The following GABRA4 variants were observed in gnomAD, a reference collection of about 807,000 sequenced individuals.
The protein encoded by GABRA4 is gamma-aminobutyric acid receptor subunit alpha-4.
A neutral mutation model predicts 49.7 loss-of-function variants in GABRA4; 12 were observed. The observed-to-expected ratio is 0.24, with a 90% confidence interval of 0.15 to 0.39. The LOEUF (loss-of-function observed/expected upper bound fraction) is 0.39. Ranked by LOEUF, GABRA4 falls within the 10% of genes least tolerant of loss-of-function variation. The pLI, the probability that GABRA4 is intolerant of heterozygous loss-of-function variation, is 1.00. For missense variants in GABRA4, 506 were observed against 686.0 expected (o/e 0.74, Z 2.93); for synonymous variants, 288 against 240.2 (o/e 1.20, Z -1.84).
intron 8 of GABRA4, among the ~76,000 whole-genome samples, chr4:46,951,585 G>A (rs934715009): frequency 6.6e-6 from 1 of 151,774 alleles, no homozygotes; most frequent in Non-Finnish European, 1.5e-5. Context: ...AATTCTCTTT[G>A]GAGATGTCAA....
intron 2 of GABRA4, among the ~76,000 whole-genome samples, chr4:46,988,279 C>T (rs1723612710): frequency 1.3e-5 from 2 of 152,044 alleles, no homozygotes; most frequent in Admixed American, 6.6e-5. Flanking sequence ...ATATTCATCT[C>T]TCTATAATGC....
rs563675725 is a variant in GABRA4, at chr4:46,928,117, T to C, written c.*108A>G. Reference sequence around the variant, plus strand: ...TGGCTTATATCTTTAAATGGAAAAATTACACAGAGTTTTTATTTTAGTAAA... The same window carrying C: ...TGGCTTATATCTTTAAATGGAAAAACTACACAGAGTTTTTATTTTAGTAAA... On this transcript the variant is annotated 3_prime_UTR_variant, in exon 9 of 9. Transcript: ENST00000264318. 2.2e-5 allele frequency: 22 copies of C among 984,146 alleles called. No homozygotes were observed. In the East Asian group the frequency reaches 3.0e-4, roughly 13 times the overall value. The allele number at this position is 984,146 out of a possible 1,614,324, so 61.0% of individuals were successfully genotyped here. A position where few individuals can be genotyped will look rare whatever the true frequency, so the allele number is the denominator to read the frequency against.
chr4:46,975,777 T>C (rs989664614), intron 5 of GABRA4, among the ~76,000 whole-genome samples: 1 of 151,932 alleles, frequency 6.6e-6, no homozygotes, highest in Non-Finnish European at 1.5e-5. Flanking sequence ...TTGGGTAAAA[T>C]TTGAATGATT....
chr4:46,928,494 G>A lies in GABRA4; in HGVS notation c.1396C>T (p.Arg466Ter). 1 of 1,613,626 alleles carries A rather than the reference G, an allele frequency of 6.2e-7. No individual in the cohort carries two copies. The highest frequency in any genetic ancestry group is 1.7e-4 in the Middle Eastern group (1 of 6,056). The change falls in exon 9 of 9, where the codon CGA (arginine) becomes TGA (stop). Residue 466 changes from arginine to a stop codon, truncating the protein, a stop_gained. Transcript: ENST00000264318. LOFTEE classifies it high-confidence loss of function. ...GAAGCAGATCCAACTGAAGCCTTTC[G>A]AGGCATATATCCAGTTCGGATAGAA... ...PTSIRTGYMP[R>*]KASVGSASTR...
intron 7 of GABRA4, among the ~76,000 whole-genome samples, chr4:46,967,926 A>C (rs999540398): frequency 6.6e-6 from 1 of 151,644 alleles, no homozygotes; most frequent in African/African-American, 2.4e-5. Flanking sequence ...ACTTGTGTTT[A>C]ATGTTTTACT....
chr4:46,977,315 AGGAAGG>A lies in GABRA4; in HGVS notation c.494+89_494+94del, dbSNP rs1159913268. ...GAGGAAGGGAGGGAGGAAGGGAGGG[AGGAAGG>A]GAGGGAGGAAGGAAGGAAGGAAGGA... On this transcript the variant is annotated intron_variant, in intron 4 of 8. Coordinates refer to ENST00000264318, the MANE Select transcript of GABRA4 (RefSeq NM_000809.4). 43 of 393,328 alleles carry A rather than the reference AGGAAGG, an allele frequency of 1.1e-4. 1 individual carries two copies. Among genetic ancestry groups the A allele is most frequent in the Non-Finnish European group, 2.0e-4 (43 of 214,764 alleles). The allele number at this position is 393,328 out of a possible 1,614,324, so 24.4% of individuals were successfully genotyped here. A position where few individuals can be genotyped will look rare whatever the true frequency, so the allele number is the denominator to read the frequency against.
rs1264610225 is a variant in GABRA4 at position 46,924,435 on chromosome 4, A to G, written c.*3790T>C. The G allele has an allele frequency of 6.6e-6, 1 of 152,012 alleles. No homozygotes were observed. The highest frequency in any genetic ancestry group is 6.6e-5 in the Admixed American group (1 of 15,226). The allele number at this position is 152,012 out of a possible 1,614,324, so 9.4% of individuals were successfully genotyped here. A position where few individuals can be genotyped will look rare whatever the true frequency, so the allele number is the denominator to read the frequency against. On this transcript the variant is annotated 3_prime_UTR_variant, in exon 9 of 9. Coordinates refer to ENST00000264318, the MANE Select transcript of GABRA4 (RefSeq NM_000809.4). ...ACATCCCATAATTTTTTGTCTATGC[A>G]TCTATCATCTCTTCCGGACTGTGAC...
intron 8 of GABRA4, among the ~76,000 whole-genome samples, chr4:46,963,498 T>G (rs1396089670): frequency 1.3e-5 from 2 of 151,848 alleles, no homozygotes; most frequent in Non-Finnish European, 2.9e-5. Flanking sequence ...TTCCTCATTT[T>G]TCTCTTACCA....
At chr4:46,950,716 AAAATAAAT>A (rs57199994) in intron 8 of GABRA4, among the ~76,000 whole-genome samples, 30 of 140,316 alleles carry the variant, frequency 2.1e-4, no homozygotes, top group South Asian at 9.7e-4. Context: ...ATTCTCTAAG[AAAATAAAT>A]AAATAAATAA....
rs749068615 is a variant in GABRA4, at chr4:46,925,091, A to T, written c.*3134T>A. ...CAGCTCATGGGTAAAATAAGCCACA[A>T]ATAAATTGTTTATGCTTTGTTTGAA... On this transcript the variant is annotated 3_prime_UTR_variant, in exon 9 of 9. Transcript: ENST00000264318. 6.6e-6 allele frequency: 1 copy of T among 151,974 alleles called. No homozygotes were observed. Among genetic ancestry groups the T allele is most frequent in the Non-Finnish European group, 1.5e-5 (1 of 67,900 alleles). The allele number at this position is 151,974 out of a possible 1,614,324, so 9.4% of individuals were successfully genotyped here.
At position 46,993,534 on chromosome 4, in the gene GABRA4, C is replaced by G; in HGVS notation, c.-110G>C. The G allele has an allele frequency of 8.8e-7, 1 of 1,137,630 alleles. No individual in the cohort carries two copies. The highest frequency in any genetic ancestry group is 1.3e-6 in the Non-Finnish European group (1 of 776,888). The allele number at this position is 1,137,630 out of a possible 1,614,324, so 70.5% of individuals were successfully genotyped here. A position where few individuals can be genotyped will look rare whatever the true frequency, so the allele number is the denominator to read the frequency against. Reference sequence around the variant, plus strand: ...GGCTCCCGCGGCGTGCGCACACTCGCGCTCACACTCGCCCGCGCTCAGCCA... The same window carrying G: ...GGCTCCCGCGGCGTGCGCACACTCGGGCTCACACTCGCCCGCGCTCAGCCA... On this transcript the variant is annotated 5_prime_UTR_variant, in exon 1 of 9. Coordinates refer to ENST00000264318, the MANE Select transcript of GABRA4 (RefSeq NM_000809.4).
intron 8 of GABRA4, among the ~76,000 whole-genome samples, chr4:46,954,644 G>A (rs750819900): frequency 6.6e-6 from 1 of 151,680 alleles, no homozygotes; most frequent in African/African-American, 2.4e-5. Context: ...TTTTTAATTA[G>A]ATGTGAATTT....
At chr4:46,936,213 T>C (rs1721597740) in intron 8 of GABRA4, among the ~76,000 whole-genome samples, 2 of 152,162 alleles carry the variant, frequency 1.3e-5, no homozygotes, top group African/African-American at 4.8e-5. Context: ...AAGAAGGGGA[T>C]CTTGTGTACT....
chr4:46,961,352 C>T (rs79538850), intron 8 of GABRA4, among the ~76,000 whole-genome samples: 14,964 of 151,828 alleles, frequency 0.099, 874 homozygotes, highest in South Asian at 0.24. Flanking sequence ...CCTCATCCTC[C>T]TCCCGCACTT....
At position 46,928,493 on chromosome 4, in the gene GABRA4, C is replaced by A; in HGVS notation, c.1397G>T (p.Arg466Leu). ...AGAAGCAGATCCAACTGAAGCCTTT[C>A]GAGGCATATATCCAGTTCGGATAGA... ...PTSIRTGYMPRKASVGSASTR... is the reference protein window; with the variant it reads ...PTSIRTGYMPLKASVGSASTR... The change falls in exon 9 of 9, where the codon CGA becomes CTA. Residue 466 changes from arginine (R) to leucine (L), a missense_variant. This residue lies in a region of GABRA4 where 243 missense variants were observed against 210.8 expected (regional missense o/e 1.15). Coordinates refer to ENST00000264318, the MANE Select transcript of GABRA4 (RefSeq NM_000809.4). 1 of 1,613,610 alleles carries A rather than the reference C, an allele frequency of 6.2e-7. No individual in the cohort carries two copies. Among genetic ancestry groups the A allele is most frequent in the Non-Finnish European group, 8.5e-7 (1 of 1,179,730 alleles).
At chr4:46,984,290 T>C (rs1723460674) in intron 2 of GABRA4, among the ~76,000 whole-genome samples, 1 of 152,002 alleles carries the variant, frequency 6.6e-6, no homozygotes, top group Non-Finnish European at 1.5e-5. Flanking sequence ...AAAATACTAG[T>C]TACATATCTC....
intron 8 of GABRA4, among the ~76,000 whole-genome samples, chr4:46,947,424 A>T (rs1560467759): frequency 2.0e-5 from 3 of 152,002 alleles, no homozygotes; most frequent in African/African-American, 7.2e-5. Context: ...TAAAGGTCCA[A>T]TTAAATCCAC....
At chr4:46,961,163 AACTT>A (rs1722559863) in intron 8 of GABRA4, among the ~76,000 whole-genome samples, 2 of 151,862 alleles carry the variant, frequency 1.3e-5, no homozygotes, top group African/African-American at 2.4e-5. Flanking sequence ...AAACTATCTA[AACTT>A]ACTTAGTGGA....
intron 8 of GABRA4, among the ~76,000 whole-genome samples, chr4:46,949,561 A>G (rs907858610): frequency 2.0e-5 from 3 of 152,126 alleles, no homozygotes; most frequent in Admixed American, 6.6e-5. Flanking sequence ...ATCATTTGCT[A>G]GGAATTTGAA....
Sources: allele counts gnomAD v4.1 joint callset (sites outside exome capture counted in the v4.1 genomes callset), GRCh38; gene constraint gnomAD v4.1.1; regional missense constraint gnomAD v4.1.1; transcripts MANE v1.5; gene names NCBI Gene and HGNC (gene_info 2026-07-23, HGNC 2026-07-21).